Variants in RBX1 observed in about 807,000 individuals in gnomAD.
RBX1 encodes ring-box 1, also known as E3 ubiquitin-protein ligase RBX1.
For synonymous variants in RBX1, 48 were observed against 47.9 expected, an observed-to-expected ratio of 1.00 and a Z score of -0.01; for missense variants, 46 against 141.4, an observed-to-expected ratio of 0.33 and a Z score of 3.42.
chr22:40,956,185 T>A (rs1185583659), intron 2 of RBX1, among the ~76,000 whole-genome samples: 4 of 152,148 alleles, frequency 2.6e-5, no homozygotes, highest in African/African-American at 4.8e-5. Context: ...AGTGAAATGC[T>A]TGAGACATCA....
chr22:40,966,875 A>G (rs1350241959), intron 3 of RBX1: 1 of 152,172 alleles, frequency 6.6e-6, no homozygotes, highest in Non-Finnish European at 1.5e-5. Context: ...CGTCTGTCCT[A>G]ATACGCACAT....
At chr22:40,968,446 C>G (rs2058359939) in intron 4 of RBX1, among the ~76,000 whole-genome samples, 1 of 152,072 alleles carries the variant, frequency 6.6e-6, no homozygotes, top group Non-Finnish European at 1.5e-5. Flanking sequence ...TCTATGAACT[C>G]TTAAATATTT....
Position 40,973,109 on chromosome 22 carries a change from C to G in RBX1, c.*621C>G, listed in dbSNP as rs538792648. On this transcript the variant is annotated 3_prime_UTR_variant, in exon 5 of 5. Transcript: ENST00000216225. ...TGTAAAACCGCTATACAAATGTGAC[C>G]TTTGGTTGTGTATGACAGCAGTCCC... 8 of 152,278 alleles carry G rather than the reference C, an allele frequency of 5.3e-5. No individual in the cohort carries two copies. The highest frequency in any genetic ancestry group is 1.9e-4 in the African/African-American group (8 of 41,516). 9.4% of individuals were successfully genotyped at this position (152,278 alleles called of 1,614,324 possible).
intron 3 of RBX1, among the ~76,000 whole-genome samples, chr22:40,965,018 A>G (rs1317515255): frequency 1.3e-5 from 2 of 152,174 alleles, no homozygotes; most frequent in Admixed American, 1.3e-4. Flanking sequence ...AAAAAAATCT[A>G]AATAGGCCGG....
chr22:40,955,447 G>T (rs1028786260), intron 2 of RBX1, among the ~76,000 whole-genome samples: 3 of 151,748 alleles, frequency 2.0e-5, no homozygotes, highest in African/African-American at 7.3e-5. Flanking sequence ...AAATAAAAAG[G>T]TGAAATTAAT....
chr22:40,952,484 A>G (rs1231419240), intron 1 of RBX1, among the ~76,000 whole-genome samples: 3 of 152,210 alleles, frequency 2.0e-5, no homozygotes, highest in Non-Finnish European at 2.9e-5. Context: ...GAAAAATAAT[A>G]GAAGTAGGGG....
chr22:40,961,668 C>T (rs991837286), intron 2 of RBX1, among the ~76,000 whole-genome samples: 3 of 151,992 alleles, frequency 2.0e-5, no homozygotes, highest in South Asian at 2.1e-4. Flanking sequence ...CCTCCCAAAA[C>T]GCTGGGATTA....
At chr22:40,964,177 T>C in intron 3 of RBX1, 60 bp downstream of exon 3, 1 of 1,318,028 alleles carries the variant, frequency 7.6e-7, no homozygotes, top group Admixed American at 1.8e-5. Context: ...TTTTCCTGCT[T>C]TGCTAGTCTT....
Position 40,972,771 on chromosome 22 carries a change from C to A in RBX1, c.*283C>A, listed in dbSNP as rs990389992. Reference sequence around the variant, plus strand: ...AAAGTGAAATGTTTGTTCATCGGGGCCAGAGCAGGGTTGTCCTCTGAGCGC... The same window carrying A: ...AAAGTGAAATGTTTGTTCATCGGGGACAGAGCAGGGTTGTCCTCTGAGCGC... On this transcript the variant is annotated 3_prime_UTR_variant, in exon 5 of 5. Coordinates refer to ENST00000216225, the MANE Select transcript of RBX1 (RefSeq NM_014248.4). The A allele has an allele frequency of 4.7e-5, 18 of 386,624 alleles. 1 individual carries two copies. Among genetic ancestry groups the A allele is most frequent in the Non-Finnish European group, 8.7e-5 (18 of 205,798 alleles). 23.9% of individuals were successfully genotyped at this position (386,624 alleles called of 1,614,324 possible). A position where few individuals can be genotyped will look rare whatever the true frequency, so the allele number is the denominator to read the frequency against.
intron 4 of RBX1, among the ~76,000 whole-genome samples, chr22:40,971,315 T>C (rs1017839750): frequency 6.6e-6 from 1 of 152,200 alleles, no homozygotes; most frequent in Non-Finnish European, 1.5e-5. Context: ...CCATCTCACA[T>C]GCTAGAGCCT....
chr22:40,958,905 C>G (rs1468773735), intron 2 of RBX1, among the ~76,000 whole-genome samples: 1 of 151,938 alleles, frequency 6.6e-6, no homozygotes, highest in Non-Finnish European at 1.5e-5. Context: ...CCTCTGCCTC[C>G]CAGGTTCAAG....
At chr22:40,971,149 A>C (rs1043414109) in intron 4 of RBX1, among the ~76,000 whole-genome samples, 1 of 152,202 alleles carries the variant, frequency 6.6e-6, no homozygotes, top group African/African-American at 2.4e-5. Context: ...ACATGTGCCC[A>C]GGGCTAAATC....
At position 40,973,173 on chromosome 22, in the gene RBX1, G is replaced by C. The variant is rs1166123640; in HGVS notation, c.*685G>C. 1.3e-5 allele frequency: 2 copies of C among 152,204 alleles called. No homozygotes were observed. The highest frequency in any genetic ancestry group is 4.8e-5 in the African/African-American group (2 of 41,426). 9.4% of individuals were successfully genotyped at this position (152,204 alleles called of 1,614,324 possible). A position where few individuals can be genotyped will look rare whatever the true frequency, so the allele number is the denominator to read the frequency against. On this transcript the variant is annotated 3_prime_UTR_variant, in exon 5 of 5. Transcript: ENST00000216225. ...ACCAGGGATTGGTTTCATGGAAGAC[G>C]ATTTTTCCATGGACCGGGGGTGGGG...
chr22:40,968,672 G>C (rs777265244), intron 4 of RBX1, among the ~76,000 whole-genome samples: 45 of 152,264 alleles, frequency 3.0e-4, no homozygotes, highest in Non-Finnish European at 5.6e-4. Context: ...GTATACCACA[G>C]AATATGAATT....
chr22:40,965,354 G>A (rs1601538465), intron 3 of RBX1, among the ~76,000 whole-genome samples: 1 of 151,038 alleles, frequency 6.6e-6, no homozygotes, highest in South Asian at 2.1e-4. Flanking sequence ...GTGTTACTGT[G>A]TAGATGGTGT....
At chr22:40,956,553 G>A (rs1034692817) in intron 2 of RBX1, among the ~76,000 whole-genome samples, 1 of 151,740 alleles carries the variant, frequency 6.6e-6, no homozygotes. Context: ...GTTTCACCAT[G>A]TTGGCCAGGC....
chr22:40,970,053 TAA>T (rs71328761), intron 4 of RBX1, among the ~76,000 whole-genome samples: 1,230 of 109,618 alleles, frequency 0.011, 17 homozygotes, highest in African/African-American at 0.039. Context: ...AGACCCAATT[TAA>T]AAAAAAAAAA....
intron 1 of RBX1, among the ~76,000 whole-genome samples, 197 bp downstream of exon 1, chr22:40,951,673 G>A (rs1282928693): frequency 1.3e-5 from 2 of 152,148 alleles, no homozygotes; most frequent in Non-Finnish European, 2.9e-5. Flanking sequence ...GGAAGTGTTG[G>A]TTTCGCTGTG....
At chr22:40,957,876 G>A (rs2146298440) in intron 2 of RBX1, among the ~76,000 whole-genome samples, 1 of 152,034 alleles carries the variant, frequency 6.6e-6, no homozygotes, top group African/African-American at 2.4e-5. Context: ...CCCAGCTGGA[G>A]TGCAGTGGCA....
Sources: allele counts gnomAD v4.1 joint callset (sites outside exome capture counted in the v4.1 genomes callset), GRCh38; gene constraint gnomAD v4.1.1; transcripts MANE v1.5; gene names NCBI Gene and HGNC (gene_info 2026-07-23, HGNC 2026-07-21).